FNBP4: variants seen among roughly 807,000 people sequenced by gnomAD.
FNBP4 encodes formin binding protein 4.
In FNBP4, 34 loss-of-function variants were observed where a neutral mutation model predicts 119.3. That is an observed-to-expected ratio of 0.28 (90% CI 0.22 to 0.38). The LOEUF (loss-of-function observed/expected upper bound fraction) is 0.38. Ranked by LOEUF, FNBP4 falls within the 10% of genes least tolerant of loss-of-function variation. FNBP4 has a pLI of 1.00. For missense variants in FNBP4, 1,112 were observed against 1,228.9 expected (o/e 0.90, Z 1.42); for synonymous variants, 462 against 430.6 (o/e 1.07, Z -0.90).
rs1470994613 is a variant in FNBP4 at position 47,752,968 on chromosome 11, G to A, written c.585C>T (p.Asp195=). 6.2e-7 allele frequency: 1 copy of A among 1,614,054 alleles called. No homozygotes were observed. Among genetic ancestry groups the A allele is most frequent in the Middle Eastern group, 1.6e-4 (1 of 6,082 alleles). The change falls in exon 4 of 17, where the codon GAC becomes GAT. Residue 195 remains aspartate, a synonymous_variant. Transcript: ENST00000263773. ...ATTGCCAACCAGATGTTTGGGTGGA[G>A]TCTGTTCCATTTGAAGTAGAAGAAG... ...TLSSSTSNGT[D]STQTSGWQYD...
At chr11:47,763,023 A>C (rs2097639283) in intron 2 of FNBP4, among the ~76,000 whole-genome samples, 1 of 150,602 alleles carries the variant, frequency 6.6e-6, no homozygotes, top group Admixed American at 6.6e-5. Flanking sequence ...GGCATGAGCC[A>C]CCCATTTTCA....
intron 8 of FNBP4, among the ~76,000 whole-genome samples, chr11:47,738,445 A>G (rs1376668088): frequency 1.3e-5 from 2 of 151,950 alleles, no homozygotes; most frequent in African/African-American, 4.8e-5. Context: ...GGCGCCTGTA[A>G]TCCCAGCTAC....
chr11:47,717,494 A>T lies in FNBP4; in HGVS notation c.2982T>A (p.Asn994Lys). ...QQLVSGMAER[N>K]ANFEALPEDW... ...CCTCAGGAAGGGCTTCAAAATTAGC[A>T]TTTCTCTCTGCCATGCCACTGTGAA... The change falls in exon 17 of 17, where the codon AAT (asparagine) becomes AAA (lysine). Residue 994 changes from asparagine (N) to lysine (K), a missense_variant. Transcript: ENST00000263773. 1 of 1,612,888 alleles carries T rather than the reference A, an allele frequency of 6.2e-7. No individual in the cohort carries two copies.
intron 2 of FNBP4, among the ~76,000 whole-genome samples, chr11:47,758,853 G>A (rs893031994): frequency 6.0e-5 from 9 of 150,750 alleles, no homozygotes; most frequent in Admixed American, 4.0e-4. Context: ...GCGAGACTCC[G>A]TCTAAAAAAA....
In FNBP4 at chr11:47,746,377, A is replaced by G. The variant is rs2097590273; in HGVS notation, c.924T>C (p.Ile308=). The G allele has an allele frequency of 1.9e-6, 3 of 1,598,176 alleles. No homozygotes were observed. The highest frequency in any genetic ancestry group is 2.6e-6 in the Non-Finnish European group (3 of 1,175,598). The change falls in exon 7 of 17, where the codon ATT becomes ATC. Residue 308 remains isoleucine, a synonymous_variant. Transcript: ENST00000263773. ...REVKKEVNEG[I]QALSNSEEEK... ...CCTCCTCACTATTTGAGAGAGCCTG[A>G]ATTCCTTCATTTACTTCCTATAAAG...
intron 15 of FNBP4, among the ~76,000 whole-genome samples, chr11:47,722,507 A>T (rs2097556991): frequency 6.6e-6 from 1 of 152,114 alleles, no homozygotes; most frequent in African/African-American, 2.4e-5. Context: ...ATGGGGGCCC[A>T]AGCTGATTCT....
intron 14 of FNBP4, among the ~76,000 whole-genome samples, chr11:47,723,823 G>T (rs1394370280): frequency 6.6e-6 from 1 of 151,654 alleles, no homozygotes; most frequent in African/African-American, 2.4e-5. Context: ...TCAGCCTCCC[G>T]AAGTGCTGGG....
chr11:47,746,198 A>G lies in FNBP4; in HGVS notation c.1103T>C (p.Ile368Thr). The G allele has an allele frequency of 6.2e-7, 1 of 1,614,108 alleles. No homozygotes were observed. Among genetic ancestry groups the G allele is most frequent in the Non-Finnish European group, 8.5e-7 (1 of 1,180,018 alleles). The change falls in exon 7 of 17, where the codon ATA becomes ACA. Residue 368 changes from isoleucine to threonine, a missense_variant. By Grantham distance (89) the Ile-to-Thr change is moderately conservative. Coordinates refer to ENST00000263773, the MANE Select transcript of FNBP4 (RefSeq NM_015308.5). ...TSTTVEEATT[I>T]VKPQEIMLDN... Reference sequence around the variant, plus strand: ...CAACATAATTTCCTGTGGCTTTACTATTGTTGTTGCTTCTTCTACTGTTGT... The same window carrying G: ...CAACATAATTTCCTGTGGCTTTACTGTTGTTGTTGCTTCTTCTACTGTTGT...
In FNBP4 at chr11:47,750,830, T is replaced by C. The variant is rs550699395; in HGVS notation, c.906+86A>G. On this transcript the variant is annotated intron_variant, in intron 6 of 16. Transcript: ENST00000263773. ...CCTATTTCACATGTATGACATAAAA[T>C]ATTAAGAGAAGGCTTCCACTCCTGT... 5.8e-6 allele frequency: 8 copies of C among 1,390,736 alleles called. No homozygotes were observed. The East Asian group carries it at 1.6e-4, about 28-fold the overall frequency. 86.1% of individuals were successfully genotyped at this position (1,390,736 alleles called of 1,614,324 possible). A position where few individuals can be genotyped will look rare whatever the true frequency, so the allele number is the denominator to read the frequency against.
In FNBP4 at chr11:47,736,295, G is replaced by A. The variant is rs551909836; in HGVS notation, c.1581+321C>T. Among the ~76,000 whole-genome samples the A allele has an allele frequency of 1.5e-4, 22 of 150,474 alleles. 1 individual carries two copies. Among genetic ancestry groups the A allele is most frequent in the Non-Finnish European group, 1.8e-4 (12 of 67,840 alleles). ...TGGCGGGCCGGGCGCAGTGGCTGAC[G>A]CCTGTAATCCCAGCACTTTGGGAGG... On this transcript the variant is annotated intron_variant, in intron 9 of 16. Coordinates refer to ENST00000263773, the MANE Select transcript of FNBP4 (RefSeq NM_015308.5).
At chr11:47,765,199 A>G (rs1010604666) in intron 2 of FNBP4, 71 bp downstream of exon 2, 1 of 951,612 alleles carries the variant, frequency 1.1e-6, no homozygotes, top group Non-Finnish European at 1.7e-6. Flanking sequence ...AAAACATTCT[A>G]TGTACAAACC....
intron 6 of FNBP4, among the ~76,000 whole-genome samples, chr11:47,746,660 G>A (rs111834609): frequency 0.034 from 5,167 of 151,746 alleles, 149 homozygotes; most frequent in South Asian, 0.076. Context: ...GATTACAGGC[G>A]CCCGCCACCA....
chr11:47,752,517 A>G (rs2097606173), intron 4 of FNBP4, among the ~76,000 whole-genome samples: 1 of 152,080 alleles, frequency 6.6e-6, no homozygotes, highest in South Asian at 2.1e-4. Flanking sequence ...TCTTTAGAAA[A>G]CTGAATGCCA....
intron 13 of FNBP4, 78 bp from the exon 14 acceptor site, chr11:47,724,250 C>T: frequency 1.3e-6 from 2 of 1,566,098 alleles, no homozygotes; most frequent in Non-Finnish European, 1.7e-6. Context: ...TTTTTTGAGA[C>T]AGGCTCTCAT....
At position 47,767,193 on chromosome 11, in the gene FNBP4, C is replaced by T; in HGVS notation, c.96G>A (p.Glu32=). 6.4e-7 allele frequency: 1 copy of T among 1,561,816 alleles called. No homozygotes were observed. Among genetic ancestry groups the T allele is most frequent in the Non-Finnish European group, 8.6e-7 (1 of 1,159,740 alleles). The change falls in exon 1 of 17, where the codon GAG becomes GAA. Residue 32 remains glutamate, a synonymous_variant. Transcript: ENST00000263773. ...PRGSTPGRDP[E]PEPDTEPDST... ...AGTCCGGCTCAGTGTCGGGTTCCGG[C>T]TCCGGGTCCCGGCCCGGCGTGCTGC...
At chr11:47,731,992 C>G (rs1398934380) in intron 11 of FNBP4, 3 of 993,608 alleles carry the variant, frequency 3.0e-6, no homozygotes, top group Non-Finnish European at 3.6e-6. Context: ...TTCTTGATAT[C>G]AAACACAGTG....
At chr11:47,730,291 G>C in intron 12 of FNBP4, 1 of 956,260 alleles carries the variant, frequency 1.0e-6, no homozygotes, top group African/African-American at 1.8e-5. Flanking sequence ...TCATGTAAAA[G>C]GGAAGTGAAA....
At chr11:47,731,667 C>A in intron 11 of FNBP4, 106 bp from the exon 12 acceptor site, 1 of 1,485,208 alleles carries the variant, frequency 6.7e-7, no homozygotes, top group East Asian at 2.4e-5. Flanking sequence ...AGGGACGAAC[C>A]TCTTAATGGA....
rs1565175228 is a variant in FNBP4 at position 47,767,141 on chromosome 11, C to A, written c.148G>T (p.Ala50Ser). 2 of 1,544,230 alleles carry A rather than the reference C, an allele frequency of 1.3e-6. No homozygotes were observed. Among genetic ancestry groups the A allele is most frequent in the Middle Eastern group, 1.8e-4 (1 of 5,670 alleles). ...DSTAAVPSQP[A>S]PSAATTTTTA... ...GTGGTGGTCGTCGCCGCCGACGGGG[C>A]GGGCTGGCTGGGGACCGCCGCGGTT... The change falls in exon 1 of 17, where the codon GCC becomes TCC. Residue 50 changes from alanine (A) to serine (S), a missense_variant. Around this residue, in one of 2 missense-constraint regions of FNBP4, gnomAD observed 286 missense variants for 240.1 expected, o/e 1.19. Coordinates refer to ENST00000263773, the MANE Select transcript of FNBP4 (RefSeq NM_015308.5).
Sources: gnomAD v4.1 joint callset for allele counts (sites outside exome capture counted in the v4.1 genomes callset) on GRCh38, gnomAD v4.1.1 for gene constraint, gnomAD v4.1.1 regional missense constraint, MANE v1.5 for transcripts, NCBI Gene and HGNC (gene_info 2026-07-23, HGNC 2026-07-21) for gene names.